Variants in CCDC60 observed in about 807,000 individuals in gnomAD.
CCDC60 encodes the protein coiled-coil domain containing 60, also known as coiled-coil domain-containing protein 60.
Under a neutral mutation model 63.5 loss-of-function variants are expected in CCDC60, and 54 were observed. The ratio of observed to expected loss-of-function variants is 0.85; its 90% CI spans 0.68 to 1.07. The LOEUF (loss-of-function observed/expected upper bound fraction) is 1.07. Ranked by LOEUF, CCDC60 falls within the 50% of genes least tolerant of loss-of-function variation. The pLI, the probability that CCDC60 is intolerant of heterozygous loss-of-function variation, is 0.00. For missense variants in CCDC60, 651 were observed against 684.3 expected (o/e 0.95, Z 0.54); for synonymous variants, 206 against 238.8 (o/e 0.86, Z 1.27).
At chr12:119,419,751 T>A (rs1432060537) in intron 1 of CCDC60, among the ~76,000 whole-genome samples, 1 of 152,058 alleles carries the variant, frequency 6.6e-6, no homozygotes, top group Non-Finnish European at 1.5e-5. Flanking sequence ...AAGTTCTCAG[T>A]AGAGGACTTG....
intron 1 of CCDC60, among the ~76,000 whole-genome samples, chr12:119,365,110 C>T (rs541178396): frequency 2.0e-5 from 3 of 152,276 alleles, no homozygotes; most frequent in South Asian, 2.1e-4. Context: ...ATTTTATGAA[C>T]GATGAATCAG....
At chr12:119,478,526 T>C (rs1951229292) in intron 3 of CCDC60, among the ~76,000 whole-genome samples, 1 of 151,634 alleles carries the variant, frequency 6.6e-6, no homozygotes, top group Non-Finnish European at 1.5e-5. Context: ...CCTAGTATAA[T>C]ATACTAGTAT....
intron 1 of CCDC60, among the ~76,000 whole-genome samples, chr12:119,408,436 C>T (rs543012774): frequency 3.3e-4 from 50 of 152,198 alleles, no homozygotes; most frequent in Non-Finnish European, 5.7e-4. Flanking sequence ...TGAGCTCATA[C>T]ACTTGGCTAT....
At chr12:119,437,782 C>A (rs924754734) in intron 2 of CCDC60, among the ~76,000 whole-genome samples, 1 of 152,206 alleles carries the variant, frequency 6.6e-6, no homozygotes, top group Non-Finnish European at 1.5e-5. Context: ...TGCCTCAAAG[C>A]CCCAGGATTG....
chr12:119,504,762 G>A (rs1173519815), intron 6 of CCDC60, among the ~76,000 whole-genome samples: 1 of 152,170 alleles, frequency 6.6e-6, no homozygotes, highest in Non-Finnish European at 1.5e-5. Context: ...ACATCATCAT[G>A]GAAAACACGT....
intron 7 of CCDC60, among the ~76,000 whole-genome samples, chr12:119,506,139 C>T (rs186574246): frequency 6.6e-6 from 1 of 152,224 alleles, no homozygotes; most frequent in African/African-American, 2.4e-5. Flanking sequence ...TGAAAGAAAA[C>T]CTTCTGCCCT....
At position 119,410,004 on chromosome 12, in the gene CCDC60, C is replaced by T. The variant is rs1452206315; in HGVS notation, c.91-18679C>T. On this transcript the variant is annotated intron_variant, in intron 1 of 13. Coordinates refer to ENST00000327554, the MANE Select transcript of CCDC60 (RefSeq NM_178499.5). The surrounding 1 kb of genome is among the most constrained non-coding windows in gnomAD (Gnocchi z 4.0). ...AGCCTCTTAGCCACCACTCTTGTTC[C>T]CAGATTCAGCTCCAAAGACTCAAGA... Among the ~76,000 whole-genome samples the T allele has an allele frequency of 6.6e-6, 1 of 152,186 alleles. No individual in the cohort carries two copies. The highest frequency in any genetic ancestry group is 6.5e-5 in the Admixed American group (1 of 15,268).
intron 2 of CCDC60, among the ~76,000 whole-genome samples, chr12:119,441,847 G>T (rs1950451391): frequency 6.6e-6 from 1 of 152,068 alleles, no homozygotes; most frequent in African/African-American, 2.4e-5. Flanking sequence ...AAGCTGCTAT[G>T]AACACTCTTA....
chr12:119,360,196 G>A (rs1353218048), intron 1 of CCDC60, among the ~76,000 whole-genome samples: 15 of 148,054 alleles, frequency 1.0e-4, no homozygotes, highest in Non-Finnish European at 1.6e-4. Flanking sequence ...CGGACAGGGC[G>A]GCTGGCTGGG....
intron 2 of CCDC60, among the ~76,000 whole-genome samples, chr12:119,465,720 T>A (rs1950941305): frequency 6.6e-6 from 1 of 151,036 alleles, no homozygotes; most frequent in East Asian, 2.0e-4. Flanking sequence ...ACGGTGCCAC[T>A]GCACTCCAGC....
rs79354277 is a variant in CCDC60 at position 119,368,977 on chromosome 12, G to A, written c.90+33711G>A. 1.3e-3 allele frequency among the ~76,000 whole-genome samples: 204 copies of A among 152,286 alleles called. 1 individual carries two copies. In the East Asian group the frequency reaches 0.023, roughly 17 times the overall value. ...AGAGAGGATGAAGAAAGAGGAATGG[G>A]TGGGGACAGACAATGCCTATTCTCT... On this transcript the variant is annotated intron_variant, in intron 1 of 13. Coordinates refer to ENST00000327554, the MANE Select transcript of CCDC60 (RefSeq NM_178499.5).
At chr12:119,399,810 G>A (rs900388264) in intron 1 of CCDC60, among the ~76,000 whole-genome samples, 2 of 152,276 alleles carry the variant, frequency 1.3e-5, no homozygotes. Flanking sequence ...AGTGTGGCCA[G>A]AGTAGGAAAT....
intron 1 of CCDC60, among the ~76,000 whole-genome samples, chr12:119,393,594 T>C (rs1308440860): frequency 6.6e-6 from 1 of 152,224 alleles, no homozygotes; most frequent in Admixed American, 6.5e-5. Context: ...GAAATGTACA[T>C]GGAATAAATG....
At chr12:119,409,653 T>G (rs1229216696) in intron 1 of CCDC60, among the ~76,000 whole-genome samples, 1 of 152,202 alleles carries the variant, frequency 6.6e-6, no homozygotes, top group African/African-American at 2.4e-5. Context: ...TCAATATCCA[T>G]TTTCTGTGTT....
At chr12:119,346,587 A>T (rs116047908) in intron 1 of CCDC60, among the ~76,000 whole-genome samples, 3,254 of 152,282 alleles carry the variant, frequency 0.021, 114 homozygotes, top group African/African-American at 0.075. Context: ...AAGAAAGGGG[A>T]AAGTGCCAAT....
rs142970782 is a variant in CCDC60 at position 119,488,785 on chromosome 12, C to A, written c.476C>A (p.Ala159Asp). The A allele has an allele frequency of 3.7e-5, 59 of 1,614,206 alleles. No individual in the cohort carries two copies. The African/African-American group carries it at 7.7e-4, about 21-fold the overall frequency. Residue 159 changes from alanine to aspartate, a missense_variant, in exon 5 of 14, where the codon GCT becomes GAT. By Grantham distance (126) the Ala-to-Asp change is moderately radical (BLOSUM62 -2). Transcript: ENST00000327554. ...HVEPLFRQLC[A>D]LHWLLEALTI... is the part of the protein sequence containing the mutation. The stretch of plus-strand genomic sequence containing the variant: ...GAGCCCCTCTTCCGCCAGCTCTGTG[C>A]TCTCCACTGGCTTCTGGAGGCCCTG...
intron 1 of CCDC60, among the ~76,000 whole-genome samples, chr12:119,403,813 C>T (rs1956437437): frequency 6.6e-6 from 1 of 152,144 alleles, no homozygotes; most frequent in African/African-American, 2.4e-5. Flanking sequence ...GGCACATCTT[C>T]CTCCTTCCTC....
intron 5 of CCDC60, among the ~76,000 whole-genome samples, chr12:119,499,786 G>C (rs758335068): frequency 1.3e-4 from 20 of 152,118 alleles, no homozygotes; most frequent in Non-Finnish European, 2.6e-4. Flanking sequence ...ACCTGCCCAG[G>C]ATTCTAGGAG....
At chr12:119,465,604 A>G (rs1188438309) in intron 2 of CCDC60, among the ~76,000 whole-genome samples, 4 of 152,070 alleles carry the variant, frequency 2.6e-5, no homozygotes, top group Admixed American at 2.0e-4. Flanking sequence ...CTAAAAATAT[A>G]AAAACTAGCC....
Sources: allele counts gnomAD v4.1 joint callset (sites outside exome capture counted in the v4.1 genomes callset), GRCh38; gene constraint gnomAD v4.1.1; non-coding constraint Gnocchi (gnomAD v3.1); transcripts MANE v1.5; gene names NCBI Gene and HGNC (gene_info 2026-07-23, HGNC 2026-07-21).